The following ALK variants were observed in gnomAD, a reference collection of about 807,000 sequenced individuals.
The protein encoded by ALK is ALK receptor tyrosine kinase.
A neutral mutation model predicts 163.1 loss-of-function variants in ALK; 74 were observed. The ratio of observed to expected loss-of-function variants is 0.45; its 90% CI spans 0.38 to 0.55. ALK has a LOEUF of 0.55. Among genes scored for constraint, ALK ranks in the 20% least tolerant of loss-of-function variants. The pLI is 0.00. For synonymous variants in ALK, 960 were observed against 843.2 expected, an observed-to-expected ratio of 1.14 and a Z score of -2.40; for missense variants, 2,063 against 2,105.3, an observed-to-expected ratio of 0.98 and a Z score of 0.39.
At position 29,274,835 on chromosome 2, in the gene ALK, C is replaced by T. The variant is rs113256619; in HGVS notation, c.2041+264G>A. Among the ~76,000 whole-genome samples the T allele has an allele frequency of 2.1e-3, 317 of 152,298 alleles. 2 individuals are homozygous for T. Among genetic ancestry groups the T allele is most frequent in the Non-Finnish European group, 3.1e-3 (212 of 68,026 alleles). On this transcript the variant is annotated intron_variant, in intron 11 of 28. Transcript: ENST00000389048. The stretch of plus-strand genomic sequence containing the variant: ...TGGGGAAAAAAATGCCAGCTTGGTT[C>T]TCTCCTTTGGGTGGGGCCTAGGTAT...
chr2:29,500,792 G>T (rs893297467), intron 4 of ALK, among the ~76,000 whole-genome samples: 2 of 152,084 alleles, frequency 1.3e-5, no homozygotes, highest in African/African-American at 4.8e-5. Flanking sequence ...AGGCTACCAG[G>T]AGCCCAATGC....
At chr2:29,862,531 T>C (rs1435604830) in intron 1 of ALK, among the ~76,000 whole-genome samples, 1 of 152,138 alleles carries the variant, frequency 6.6e-6, no homozygotes, top group African/African-American at 2.4e-5. Flanking sequence ...CCTATTATGA[T>C]AGCATTAAAA....
At chr2:29,833,627 T>C (rs1268006229) in intron 1 of ALK, among the ~76,000 whole-genome samples, 2 of 152,224 alleles carry the variant, frequency 1.3e-5, no homozygotes, top group Non-Finnish European at 2.9e-5. Flanking sequence ...AGGCATTGTT[T>C]CATTTCATCT....
In ALK at chr2:29,238,747, T is replaced by G. The variant is rs575831979; in HGVS notation, c.2355+933A>C. On this transcript the variant is annotated intron_variant, in intron 13 of 28. Coordinates refer to ENST00000389048, the MANE Select transcript of ALK (RefSeq NM_004304.5). Reference sequence around the variant, plus strand: ...CCTCTGTTCCTGGCCCAGAATCGCCTCCTCCTGCCTGCTTGGGAACTTCCT... The same window carrying G: ...CCTCTGTTCCTGGCCCAGAATCGCCGCCTCCTGCCTGCTTGGGAACTTCCT... 5.9e-5 allele frequency among the ~76,000 whole-genome samples: 9 copies of G among 152,284 alleles called. No individual in the cohort carries two copies. In the East Asian group the frequency reaches 1.4e-3, roughly 23 times the overall value.
In ALK at chr2:29,259,213, A is replaced by G. The variant is rs549275333; in HGVS notation, c.2042-7946T>C. Among the ~76,000 whole-genome samples, 108 of 152,298 alleles carry G rather than the reference A, an allele frequency of 7.1e-4. 2 individuals are homozygous for G. In the Middle Eastern group the frequency reaches 0.017, roughly 24 times the overall value. On this transcript the variant is annotated intron_variant, in intron 11 of 28. Coordinates refer to ENST00000389048, the MANE Select transcript of ALK (RefSeq NM_004304.5). ...TCTCCTTACACACAGTATTAGAGTC[A>G]CAATCTTTACTACTACCACCATAAT...
At chr2:29,486,337 T>G (rs1308984814) in intron 4 of ALK, among the ~76,000 whole-genome samples, 1 of 152,204 alleles carries the variant, frequency 6.6e-6, no homozygotes, top group Non-Finnish European at 1.5e-5. Context: ...GAGACTATGG[T>G]TCTCTATCAT....
At chr2:29,844,270 C>T (rs1296477594) in intron 1 of ALK, among the ~76,000 whole-genome samples, 2 of 152,162 alleles carry the variant, frequency 1.3e-5, no homozygotes, top group East Asian at 1.9e-4. Flanking sequence ...CTCAGAGGTG[C>T]TGTTGCGTGG....
At chr2:29,317,349 G>A (rs572594067) in intron 8 of ALK, among the ~76,000 whole-genome samples, 27 of 152,296 alleles carry the variant, frequency 1.8e-4, no homozygotes, top group African/African-American at 5.8e-4. Flanking sequence ...TCTACTACAC[G>A]CAAGATGTTG....
At chr2:29,488,371 AACTGAG>A (rs1437292668) in intron 4 of ALK, among the ~76,000 whole-genome samples, 40 of 152,246 alleles carry the variant, frequency 2.6e-4, no homozygotes, top group Non-Finnish European at 3.8e-4. Flanking sequence ...CTAACCCCCA[AACTGAG>A]ACTCAAACAC....
intron 11 of ALK, among the ~76,000 whole-genome samples, chr2:29,256,609 G>GT (rs542242958): frequency 0.029 from 4,173 of 144,730 alleles, 55 homozygotes; most frequent in African/African-American, 0.036. Context: ...ACTTTTGAGT[G>GT]TTTTTTTTTT....
At chr2:29,236,541 C>T (rs563880774) in intron 13 of ALK, among the ~76,000 whole-genome samples, 6 of 152,330 alleles carry the variant, frequency 3.9e-5, no homozygotes, top group African/African-American at 1.4e-4. Context: ...CTGACCCATG[C>T]TCATCCCCCG....
chr2:29,370,937 TG>T (rs1240018262), intron 5 of ALK, among the ~76,000 whole-genome samples: 1 of 152,278 alleles, frequency 6.6e-6, no homozygotes, highest in African/African-American at 2.4e-5. Context: ...AAATGATTAA[TG>T]GGGGGAATTA....
intron 1 of ALK, among the ~76,000 whole-genome samples, chr2:29,799,068 A>G (rs981126245): frequency 6.6e-6 from 1 of 152,154 alleles, no homozygotes; most frequent in African/African-American, 2.4e-5. Context: ...AATCAATGAG[A>G]TGAGGGGATT....
At chr2:29,203,512 T>TTTTTTG (rs869138004) in intron 26 of ALK, among the ~76,000 whole-genome samples, 1 of 127,628 alleles carries the variant, frequency 7.8e-6, no homozygotes, top group African/African-American at 2.8e-5. Context: ...TTTTTTTTTT[T>TTTTTTG]GTGAGACAGA....
At chr2:29,196,914 A>G (rs1669037217) in intron 27 of ALK, 54 bp from the exon 28 acceptor site, 5 of 1,469,996 alleles carry the variant, frequency 3.4e-6, no homozygotes, top group East Asian at 2.3e-5. Flanking sequence ...GATGAAAAAT[A>G]TATTTTCTTC....
intron 1 of ALK, among the ~76,000 whole-genome samples, chr2:29,825,942 G>A (rs1665184911): frequency 1.3e-5 from 2 of 152,164 alleles, no homozygotes; most frequent in Admixed American, 6.5e-5. Context: ...ACTATGGAAA[G>A]ATGTTCTAGA....
chr2:29,832,579 C>G (rs1353350879), intron 1 of ALK, among the ~76,000 whole-genome samples: 1 of 152,174 alleles, frequency 6.6e-6, no homozygotes, highest in Non-Finnish European at 1.5e-5. Context: ...GGTATTTTGC[C>G]CAGAGATCTA....
At chr2:29,325,502 G>A (rs754985129) in intron 6 of ALK, among the ~76,000 whole-genome samples, 1 of 152,160 alleles carries the variant, frequency 6.6e-6, no homozygotes, top group African/African-American at 2.4e-5. Flanking sequence ...AGAGGGGGAG[G>A]CCCCCAGAGA....
At chr2:29,790,182 A>AT (rs144585105) in intron 1 of ALK, among the ~76,000 whole-genome samples, 16,171 of 151,366 alleles carry the variant, frequency 0.11, 2,625 homozygotes, top group African/African-American at 0.35. Context: ...TGTTAATGTC[A>AT]TTTTTTTTTA....
Sources: gnomAD v4.1 joint callset for allele counts (sites outside exome capture counted in the v4.1 genomes callset) on GRCh38, gnomAD v4.1.1 for gene constraint, MANE v1.5 for transcripts, NCBI Gene and HGNC (gene_info 2026-07-23, HGNC 2026-07-21) for gene names.